PRIM2: variants seen among roughly 807,000 people sequenced by gnomAD.
PRIM2 encodes DNA primase large subunit.
Under a neutral mutation model 67.3 loss-of-function variants are expected in PRIM2, and 39 were observed. The ratio of observed to expected loss-of-function variants is 0.58; its 90% CI spans 0.45 to 0.76. The LOEUF (loss-of-function observed/expected upper bound fraction) is 0.76. Among genes scored for constraint, PRIM2 ranks in the 30% least tolerant of loss-of-function variants. The pLI is 0.00. For missense variants in PRIM2, 398 were observed against 598.7 expected (o/e 0.66, Z 3.50); for synonymous variants, 143 against 198.7 (o/e 0.72, Z 2.36).
chr6:57,590,872 G>T (rs1776271085), intron 10 of PRIM2, among the ~76,000 whole-genome samples: 2 of 152,174 alleles, frequency 1.3e-5, no homozygotes, highest in Admixed American at 6.5e-5. Context: ...AACCCTATGT[G>T]ATAGATATAA....
intron 7 of PRIM2, among the ~76,000 whole-genome samples, chr6:57,494,255 G>C (rs1773956760): frequency 6.6e-6 from 1 of 152,074 alleles, no homozygotes; most frequent in Non-Finnish European, 1.5e-5. Flanking sequence ...ATTCCATCAC[G>C]AAAGTGGCAG....
At chr6:57,506,767 A>G (rs2127459455) in intron 7 of PRIM2, among the ~76,000 whole-genome samples, 1 of 152,090 alleles carries the variant, frequency 6.6e-6, no homozygotes, top group East Asian at 1.9e-4. Flanking sequence ...TCATATTTTG[A>G]TGATATGCTG....
the PRIM2 span, among the ~76,000 whole-genome samples, chr6:57,225,069 C>T: frequency 6.6e-6 from 1 of 152,156 alleles, no homozygotes; most frequent in African/African-American, 2.4e-5. Context: ...CACAATTTAC[C>T]ACCTTCACAA....
At chr6:57,333,618 G>A (rs1371285627) in intron 5 of PRIM2, among the ~76,000 whole-genome samples, 1 of 151,906 alleles carries the variant, frequency 6.6e-6, no homozygotes, top group African/African-American at 2.4e-5. Flanking sequence ...ATAACCTCTT[G>A]TTAGGTGGAA....
At chr6:57,547,196 G>A (rs1416934937) in intron 10 of PRIM2, among the ~76,000 whole-genome samples, 1 of 151,962 alleles carries the variant, frequency 6.6e-6, no homozygotes, top group African/African-American at 2.4e-5. Context: ...CCTGAAAAAA[G>A]CATCACCCTG....
intron 11 of PRIM2, among the ~76,000 whole-genome samples, chr6:57,605,988 C>T (rs1776555432): frequency 6.6e-6 from 1 of 152,148 alleles, no homozygotes; most frequent in South Asian, 2.1e-4. Context: ...TTCCTTCTCT[C>T]ATATGCCTTT....
intron 5 of PRIM2, among the ~76,000 whole-genome samples, chr6:57,334,493 T>C (rs1373297600): frequency 6.6e-6 from 1 of 152,154 alleles, no homozygotes; most frequent in Non-Finnish European, 1.5e-5. Context: ...CATATTGTTT[T>C]TCATTTCTAC....
At chr6:57,334,346 A>G (rs930851489) in intron 5 of PRIM2, among the ~76,000 whole-genome samples, 2 of 152,056 alleles carry the variant, frequency 1.3e-5, no homozygotes, top group Non-Finnish European at 1.5e-5. Context: ...TATCTTGGCT[A>G]TTGTGAATAG....
chr6:57,395,009 A>G (rs932296159), intron 7 of PRIM2, among the ~76,000 whole-genome samples: 5 of 152,204 alleles, frequency 3.3e-5, no homozygotes, highest in African/African-American at 1.2e-4. Flanking sequence ...CTGTGGTGTG[A>G]AACCCACTTG....
At chr6:57,420,425 C>T (rs1014388563) in intron 7 of PRIM2, among the ~76,000 whole-genome samples, 2 of 152,148 alleles carry the variant, frequency 1.3e-5, no homozygotes, top group African/African-American at 4.8e-5. Context: ...ATCCCTTGAA[C>T]CCAGAAGGCG....
chr6:57,624,581 A>T (rs1776913792), intron 12 of PRIM2, among the ~76,000 whole-genome samples: 1 of 152,212 alleles, frequency 6.6e-6, no homozygotes, highest in African/African-American at 2.4e-5. Flanking sequence ...GTGACATTTT[A>T]ATTGGGTTTG....
chr6:57,398,274 T>TA (rs1472979210), intron 7 of PRIM2, among the ~76,000 whole-genome samples: 2 of 152,110 alleles, frequency 1.3e-5, no homozygotes, highest in African/African-American at 4.8e-5. Context: ...TCTAACTTTT[T>TA]ATGTGGCTAT....
the PRIM2 span, among the ~76,000 whole-genome samples, chr6:57,302,483 T>C: frequency 2.6e-5 from 4 of 152,228 alleles, no homozygotes; most frequent in Non-Finnish European, 4.4e-5. Flanking sequence ...AAGAAAATTA[T>C]GTGGTTATCC....
At chr6:57,261,090 C>G in the PRIM2 span, among the ~76,000 whole-genome samples, 1 of 152,142 alleles carries the variant, frequency 6.6e-6, no homozygotes, top group African/African-American at 2.4e-5. Context: ...TCATGCTTTT[C>G]TGTGAAGGTT....
At chr6:57,295,496 GA>G in the PRIM2 span, among the ~76,000 whole-genome samples, 1 of 152,158 alleles carries the variant, frequency 6.6e-6, no homozygotes, top group African/African-American at 2.4e-5. Flanking sequence ...TATTTGGCAT[GA>G]AAAAAGGCAG....
intron 10 of PRIM2, among the ~76,000 whole-genome samples, chr6:57,578,831 C>T (rs1776018906): frequency 6.6e-6 from 1 of 151,576 alleles, no homozygotes; most frequent in African/African-American, 2.4e-5. Context: ...CGCCCGCTAC[C>T]ACGCCCGGCT....
intron 5 of PRIM2, among the ~76,000 whole-genome samples, chr6:57,352,302 G>A (rs1203408077): frequency 1.3e-5 from 2 of 152,102 alleles, no homozygotes; most frequent in South Asian, 2.1e-4. Context: ...GTGCAATGGC[G>A]TGATCTCGGC....
At chr6:57,265,846 T>C in the PRIM2 span, among the ~76,000 whole-genome samples, 221 of 152,312 alleles carry the variant, frequency 1.5e-3, 1 homozygote, top group Middle Eastern at 6.8e-3. Context: ...CTGAGTACAC[T>C]TTTTCCTCAA....
At chr6:57,552,855 CTT>C (rs1369352922) in intron 10 of PRIM2, among the ~76,000 whole-genome samples, 1 of 151,510 alleles carries the variant, frequency 6.6e-6, no homozygotes, top group African/African-American at 2.4e-5. Context: ...AGTTTTTAGA[CTT>C]TTTTTTGTAC....
Sources: gnomAD v4.1 joint callset for allele counts (sites outside exome capture counted in the v4.1 genomes callset) on GRCh38, gnomAD v4.1.1 for gene constraint, MANE v1.5 for transcripts, NCBI Gene and HGNC (gene_info 2026-07-23, HGNC 2026-07-21) for gene names.